Variants in RALYL observed in about 807,000 individuals in gnomAD.
RALYL encodes the protein RALY RNA binding protein like, also known as RNA-binding Raly-like protein.
A neutral mutation model predicts 35.1 loss-of-function variants in RALYL; 29 were observed. That is an observed-to-expected ratio of 0.83 (90% CI 0.61 to 1.13). RALYL has a LOEUF of 1.13. Among genes scored for constraint, RALYL ranks in the 50% most tolerant of loss-of-function variants. The pLI, the probability that RALYL is intolerant of heterozygous loss-of-function variation, is 0.00. For missense variants in RALYL, 359 were observed against 360.4 expected (o/e 1.00, Z 0.03); for synonymous variants, 120 against 127.6 (o/e 0.94, Z 0.40).
chr8:84,286,610 A>G (rs1837674020), intron 1 of RALYL, among the ~76,000 whole-genome samples: 2 of 152,176 alleles, frequency 1.3e-5, no homozygotes, highest in South Asian at 4.1e-4. Flanking sequence ...TAAAGGCAGG[A>G]AGGCAGAGGT....
chr8:84,633,507 G>C (rs1285081245), intron 2 of RALYL, among the ~76,000 whole-genome samples: 3 of 151,816 alleles, frequency 2.0e-5, no homozygotes, highest in Non-Finnish European at 4.4e-5. Flanking sequence ...GTCCTGAGTA[G>C]TTTCACGCAT....
At chr8:84,598,633 TTA>T (rs1815175595) in intron 2 of RALYL, among the ~76,000 whole-genome samples, 1 of 152,124 alleles carries the variant, frequency 6.6e-6, no homozygotes, top group African/African-American at 2.4e-5. Flanking sequence ...TTAAAATGTC[TTA>T]TATATATCTC....
intron 1 of RALYL, among the ~76,000 whole-genome samples, chr8:84,317,314 C>G (rs947274397): frequency 6.6e-6 from 1 of 152,094 alleles, no homozygotes; most frequent in African/African-American, 2.4e-5. Context: ...ATTGTACTTT[C>G]AAATTTCTGA....
intron 1 of RALYL, among the ~76,000 whole-genome samples, chr8:84,368,123 A>G (rs1450220285): frequency 6.6e-6 from 1 of 152,066 alleles, no homozygotes; most frequent in East Asian, 1.9e-4. Flanking sequence ...GATGTATTTC[A>G]CTCTTCTGCT....
At chr8:84,691,281 T>C (rs538299728) in intron 2 of RALYL, among the ~76,000 whole-genome samples, 70 of 152,164 alleles carry the variant, frequency 4.6e-4, no homozygotes, top group African/African-American at 1.5e-3. Context: ...CTGTCATATA[T>C]AAAATACGGC....
chr8:84,444,887 G>C (rs927091387), intron 1 of RALYL, among the ~76,000 whole-genome samples: 8 of 152,016 alleles, frequency 5.3e-5, no homozygotes, highest in Non-Finnish European at 1.2e-4. Flanking sequence ...GAATTATAAT[G>C]GCTGATGTAT....
intron 1 of RALYL, among the ~76,000 whole-genome samples, chr8:84,390,519 A>C (rs1047399042): frequency 1.9e-4 from 29 of 152,084 alleles, no homozygotes; most frequent in African/African-American, 5.3e-4. Context: ...ACAATTTCAG[A>C]GCCTGTTATT....
At chr8:84,584,992 AG>A (rs1249466436) in intron 2 of RALYL, among the ~76,000 whole-genome samples, 1 of 152,182 alleles carries the variant, frequency 6.6e-6, no homozygotes, top group East Asian at 1.9e-4. Flanking sequence ...TTCAATATCT[AG>A]GGTAATGCAA....
intron 4 of RALYL, among the ~76,000 whole-genome samples, chr8:84,827,402 C>A (rs780748821): frequency 8.6e-5 from 13 of 151,944 alleles, no homozygotes; most frequent in Non-Finnish European, 1.9e-4. Flanking sequence ...GGAATAAAAG[C>A]CACATACAAA....
intron 2 of RALYL, among the ~76,000 whole-genome samples, chr8:84,755,275 T>G (rs1401349327): frequency 6.6e-6 from 1 of 152,174 alleles, no homozygotes; most frequent in African/African-American, 2.4e-5. Context: ...CAAATAGCAG[T>G]CTTTTTGTAT....
intron 2 of RALYL, among the ~76,000 whole-genome samples, chr8:84,646,936 A>T (rs1396313863): frequency 6.6e-6 from 1 of 152,038 alleles, no homozygotes; most frequent in Non-Finnish European, 1.5e-5. Flanking sequence ...TATCTAATTC[A>T]TCTAGAATCC....
At chr8:84,497,963 T>A (rs1486224504) in intron 1 of RALYL, among the ~76,000 whole-genome samples, 2 of 151,918 alleles carry the variant, frequency 1.3e-5, no homozygotes, top group African/African-American at 4.8e-5. Context: ...TTAAGTTTTT[T>A]TTTTTTTTGT....
At chr8:84,549,329 G>A (rs995194600) in intron 2 of RALYL, among the ~76,000 whole-genome samples, 1 of 152,168 alleles carries the variant, frequency 6.6e-6, no homozygotes, top group Non-Finnish European at 1.5e-5. Context: ...GGAAAACAAT[G>A]CCACCCCCTT....
At chr8:84,644,434 T>C (rs1827048014) in intron 2 of RALYL, among the ~76,000 whole-genome samples, 1 of 152,066 alleles carries the variant, frequency 6.6e-6, no homozygotes, top group African/African-American at 2.4e-5. Flanking sequence ...GGACTGACAT[T>C]CTAATAAGAA....
At chr8:84,290,928 T>G (rs1563677632) in intron 1 of RALYL, among the ~76,000 whole-genome samples, 1 of 152,152 alleles carries the variant, frequency 6.6e-6, no homozygotes. Flanking sequence ...AGATCTCTAA[T>G]ACTTTTGATA....
chr8:84,221,456 G>A (rs34607225), intron 1 of RALYL, among the ~76,000 whole-genome samples: 59,765 of 151,792 alleles, frequency 0.39, 11,901 homozygotes, highest in Non-Finnish European at 0.43. Flanking sequence ...ACAGTTAACT[G>A]TGTAAGCTCT....
At chr8:84,232,429 A>C (rs370681500) in intron 1 of RALYL, among the ~76,000 whole-genome samples, 1 of 144,610 alleles carries the variant, frequency 6.9e-6, no homozygotes, top group African/African-American at 2.9e-5. Context: ...ATGAGATATC[A>C]TTTTAGCCTA....
chr8:84,405,284 A>G (rs1229755268), intron 1 of RALYL, among the ~76,000 whole-genome samples: 2 of 152,120 alleles, frequency 1.3e-5, no homozygotes. Flanking sequence ...AATCCACACC[A>G]TAACAATTGA....
At chr8:84,815,197 G>A (rs1052188979) in intron 4 of RALYL, among the ~76,000 whole-genome samples, 15 of 152,106 alleles carry the variant, frequency 9.9e-5, no homozygotes, top group Non-Finnish European at 1.8e-4. Context: ...TAGATGCAAA[G>A]AGCCCAGAAT....
Sources: gnomAD v4.1 joint callset for allele counts (sites outside exome capture counted in the v4.1 genomes callset) on GRCh38, gnomAD v4.1.1 for gene constraint, MANE v1.5 for transcripts, NCBI Gene and HGNC (gene_info 2026-07-23, HGNC 2026-07-21) for gene names.